The following UBE2U variants were observed in gnomAD, a reference collection of about 807,000 sequenced individuals.
UBE2U encodes ubiquitin conjugating enzyme E2 U, also known as ubiquitin-conjugating enzyme E2 U.
A neutral mutation model predicts 41.2 loss-of-function variants in UBE2U; 39 were observed. That is an observed-to-expected ratio of 0.95 (90% confidence interval 0.73 to 1.24). The LOEUF is 1.24. UBE2U is among the 50% of genes most tolerant of loss of function. The probability of loss-of-function intolerance (pLI) is 0.00; values close to 1 mark genes in which losing one functional copy is unlikely to be tolerated. For synonymous variants in UBE2U, 107 were observed against 117.8 expected (o/e 0.91, Z 0.60); for missense variants, 336 against 363.1 (o/e 0.93, Z 0.61).
chr1:64,204,124 C>G lies in UBE2U; in HGVS notation c.66+8C>G, dbSNP rs773479646. 3 of 1,611,424 alleles carry G rather than the reference C, an allele frequency of 1.9e-6. No individual in the cohort carries two copies. Among genetic ancestry groups the G allele is most frequent in the South Asian group, 2.2e-5 (2 of 90,616 alleles). On this transcript the variant is annotated splice_region_variant and intron_variant, in intron 1 of 9. Transcript: ENST00000371077. ...AAGGAGAACAATTATAAGGTAAGTA[C>G]TGGGCACGTGGAGAGATGTGTTTCA...
intron 8 of UBE2U, 32 bp downstream of exon 8, chr1:64,241,765 A>G: frequency 6.7e-7 from 1 of 1,494,934 alleles, no homozygotes. Context: ...GAATGTGTAC[A>G]TTAACTTGAA....
intron 9 of UBE2U, among the ~76,000 whole-genome samples, chr1:64,266,323 G>A (rs923615215): frequency 6.6e-6 from 1 of 152,130 alleles, no homozygotes; most frequent in Non-Finnish European, 1.5e-5. Context: ...CCAGCTCCAC[G>A]AAACTTTCTG....
intron 7 of UBE2U, among the ~76,000 whole-genome samples, chr1:64,239,049 A>AG: frequency 1.8e-5 from 1 of 56,878 alleles, no homozygotes; most frequent in South Asian, 5.1e-4. Context: ...TCTCAAAAAG[A>AG]AGAAGAAGAA....
intron 9 of UBE2U, among the ~76,000 whole-genome samples, chr1:64,263,568 AT>A (rs1447150157): frequency 7.9e-5 from 12 of 152,244 alleles, no homozygotes; most frequent in Non-Finnish European, 2.9e-5. Context: ...TGTCACTAAG[AT>A]TTTGTGGTTG....
intron 7 of UBE2U, among the ~76,000 whole-genome samples, chr1:64,237,386 C>G (rs760284532): frequency 8.0e-5 from 12 of 150,916 alleles, no homozygotes; most frequent in African/African-American, 2.9e-4. Flanking sequence ...AAGAACTATA[C>G]TGTGGATGCA....
At chr1:64,254,228 C>T (rs931491438) in intron 8 of UBE2U, among the ~76,000 whole-genome samples, 2 of 152,070 alleles carry the variant, frequency 1.3e-5, no homozygotes, top group Non-Finnish European at 2.9e-5. Flanking sequence ...AATATATATC[C>T]ACCTAATACA....
rs375399932 is a variant in UBE2U at position 64,210,810 on chromosome 1, A to T, written c.310A>T (p.Thr104Ser). 31 of 1,606,800 alleles carry T rather than the reference A, an allele frequency of 1.9e-5. No individual in the cohort carries two copies. Among genetic ancestry groups the T allele is most frequent in the Middle Eastern group, 3.3e-4 (2 of 6,034 alleles). ...DNPEKWNTNY[T>S]LSSILLALQV... ...CCCTGAGAAGTGGAATACAAACTAT[A>T]CATTGAGCAGCATCTTACTTGCCCT... Residue 104 changes from threonine (T) to serine (S), a missense_variant, in exon 4 of 10, where the codon ACA becomes TCA. Physicochemically the swap from Thr to Ser is moderately conservative, Grantham distance 58. Coordinates refer to ENST00000371077, the MANE Select transcript of UBE2U (RefSeq NM_001366232.2).
intron 6 of UBE2U, among the ~76,000 whole-genome samples, chr1:64,228,682 CTCTCTT>C (rs1179667065): frequency 5.1e-4 from 64 of 125,768 alleles, no homozygotes; most frequent in African/African-American, 1.8e-3. Flanking sequence ...TTCTCTCTCT[CTCTCTT>C]TTTTTTTTTT....
At chr1:64,239,207 A>C (rs1328150041) in intron 7 of UBE2U, among the ~76,000 whole-genome samples, 1 of 151,030 alleles carries the variant, frequency 6.6e-6, no homozygotes, top group Non-Finnish European at 1.5e-5. Context: ...CCAGACAAGG[A>C]CAAGACTGGT....
chr1:64,221,769 C>A (rs775869262), intron 6 of UBE2U, among the ~76,000 whole-genome samples: 1 of 152,108 alleles, frequency 6.6e-6, no homozygotes, highest in African/African-American at 2.4e-5. Context: ...CCTTGACTAG[C>A]TCTGTATAAA....
At chr1:64,255,514 A>C (rs1211219088) in intron 8 of UBE2U, among the ~76,000 whole-genome samples, 1 of 152,206 alleles carries the variant, frequency 6.6e-6, no homozygotes, top group African/African-American at 2.4e-5. Flanking sequence ...ATTGATGCAA[A>C]AATCCTCAAT....
intron 8 of UBE2U, among the ~76,000 whole-genome samples, chr1:64,250,953 A>G (rs571280374): frequency 1.3e-5 from 2 of 151,568 alleles, no homozygotes; most frequent in African/African-American, 4.8e-5. Flanking sequence ...TAGGAGATAC[A>G]CCTAATGTTA....
intron 8 of UBE2U, among the ~76,000 whole-genome samples, chr1:64,256,298 C>T (rs1324532288): frequency 6.6e-6 from 1 of 152,138 alleles, no homozygotes; most frequent in Non-Finnish European, 1.5e-5. Flanking sequence ...CAAAAAAGAA[C>T]CCAAGTAGCC....
chr1:64,232,636 C>T lies in UBE2U; in HGVS notation c.582C>T (p.Tyr194=), dbSNP rs1361277964. ...TAGCTACATCAAAAGCCACAGAATA[C>T]TACAGAACTCCATGTAAGGTGAACT... The part of the protein sequence containing the change: ...SRIATSKATE[Y]YRTPLLKVPN... The change falls in exon 7 of 10, where the codon TAC becomes TAT. Residue 194 remains tyrosine, a synonymous_variant. Transcript: ENST00000371077. 14 of 1,612,084 alleles carry T rather than the reference C, an allele frequency of 8.7e-6. No homozygotes were observed. Among genetic ancestry groups the T allele is most frequent in the Non-Finnish European group, 1.1e-5 (13 of 1,178,662 alleles).
In UBE2U at chr1:64,231,532, T is replaced by C. The variant is rs1644565512; in HGVS notation, c.507-1029T>C. ...ATGATTAATTTATCTTCCTCAAGTT[T>C]CAAATTTCTACTTAAGTGTGATTGT... On this transcript the variant is annotated intron_variant, in intron 6 of 9. Transcript: ENST00000371077. Among the ~76,000 whole-genome samples the C allele has an allele frequency of 2.6e-5, 4 of 152,258 alleles. No individual in the cohort carries two copies. In the South Asian group the frequency reaches 8.3e-4, roughly 31 times the overall value.
In UBE2U at chr1:64,234,386, A is replaced by G. The variant is rs562418273; in HGVS notation, c.595+1737A>G. Among the ~76,000 whole-genome samples the G allele has an allele frequency of 2.0e-5, 3 of 152,262 alleles. No individual in the cohort carries two copies. In the East Asian group the frequency reaches 5.8e-4, roughly 29 times the overall value. ...CTTGTTGATTTTTATCTGCTGCAAC[A>G]TTATGAATGCTTCCACTCTACTACA... On this transcript the variant is annotated intron_variant, in intron 7 of 9. Transcript: ENST00000371077.
intron 6 of UBE2U, among the ~76,000 whole-genome samples, chr1:64,228,163 T>C (rs924125214): frequency 6.6e-6 from 1 of 152,196 alleles, no homozygotes; most frequent in Non-Finnish European, 1.5e-5. Context: ...GATATTAAGA[T>C]GTACTAGAAA....
intron 7 of UBE2U, among the ~76,000 whole-genome samples, chr1:64,239,800 G>C (rs896467441): frequency 2.6e-5 from 4 of 151,998 alleles, no homozygotes; most frequent in African/African-American, 4.8e-5. Flanking sequence ...CCAAGTCTTG[G>C]CTATTGTGAA....
intron 6 of UBE2U, among the ~76,000 whole-genome samples, chr1:64,226,930 A>G (rs750527783): frequency 5.9e-5 from 9 of 152,236 alleles, no homozygotes; most frequent in Non-Finnish European, 1.0e-4. Flanking sequence ...TGGGATAACA[A>G]TGACCAAATG....
Sources: allele counts gnomAD v4.1 joint callset (sites outside exome capture counted in the v4.1 genomes callset), GRCh38; gene constraint gnomAD v4.1.1; transcripts MANE v1.5; gene names NCBI Gene and HGNC (gene_info 2026-07-23, HGNC 2026-07-21).